The following NEGR1 variants were observed in gnomAD, a reference collection of about 807,000 sequenced individuals.
The protein encoded by NEGR1 is neuronal growth regulator 1, also known as IgLON family member 4.
NEGR1 carries 10 observed loss-of-function variants against 40.9 expected under a neutral mutation model. The observed-to-expected ratio is 0.24, with a 90% CI of 0.15 to 0.42. The LOEUF is 0.42. Ranked by LOEUF, NEGR1 falls within the 10% of genes least tolerant of loss-of-function variation. The pLI, the probability that NEGR1 is intolerant of heterozygous loss-of-function variation, is 1.00. For synonymous variants in NEGR1, 185 were observed against 166.8 expected (o/e 1.11, Z -0.84); for missense variants, 352 against 438.9 (o/e 0.80, Z 1.77).
intron 1 of NEGR1, among the ~76,000 whole-genome samples, chr1:71,964,815 T>G (rs1462806037): frequency 8.3e-6 from 1 of 120,264 alleles, no homozygotes; most frequent in Non-Finnish European, 1.7e-5. Flanking sequence ...TATTTATATA[T>G]AATCACATTA....
At chr1:71,927,211 G>A (rs1645782655) in intron 2 of NEGR1, among the ~76,000 whole-genome samples, 1 of 152,142 alleles carries the variant, frequency 6.6e-6, no homozygotes, top group Non-Finnish European at 1.5e-5. Context: ...ATTCTAGCCA[G>A]AAGGGATTGT....
chr1:71,760,307 A>G (rs1421202836), intron 3 of NEGR1, among the ~76,000 whole-genome samples: 1 of 152,186 alleles, frequency 6.6e-6, no homozygotes, highest in East Asian at 1.9e-4. Context: ...GTCTTAAAAT[A>G]CTAGAAATTT....
chr1:71,915,502 T>C (rs999616955), intron 2 of NEGR1, among the ~76,000 whole-genome samples: 1 of 152,074 alleles, frequency 6.6e-6, no homozygotes, highest in African/African-American at 2.4e-5. Flanking sequence ...TATATAATAA[T>C]AATAGTGTCA....
chr1:72,051,680 T>C (rs541270416), intron 1 of NEGR1, among the ~76,000 whole-genome samples: 8 of 151,488 alleles, frequency 5.3e-5, no homozygotes, highest in South Asian at 2.1e-4. Flanking sequence ...CCTGTGAGGA[T>C]TGGCAGCATA....
chr1:71,872,962 A>G (rs1258430857), intron 2 of NEGR1, among the ~76,000 whole-genome samples: 1 of 152,030 alleles, frequency 6.6e-6, no homozygotes, highest in African/African-American at 2.4e-5. Context: ...CGGAACCCAC[A>G]CTACCCTTAG....
At chr1:71,911,125 C>A (rs1661411308) in intron 2 of NEGR1, among the ~76,000 whole-genome samples, 1 of 152,080 alleles carries the variant, frequency 6.6e-6, no homozygotes, top group Admixed American at 6.6e-5. Context: ...ACAAGTCTGT[C>A]AAGCATTATA....
intron 1 of NEGR1, among the ~76,000 whole-genome samples, chr1:72,215,300 C>A (rs1653759322): frequency 1.3e-5 from 2 of 152,038 alleles, no homozygotes; most frequent in Non-Finnish European, 2.9e-5. Flanking sequence ...AGGACATAGG[C>A]ACGGGCAAAG....
chr1:71,511,338 T>G (rs1647071875), intron 6 of NEGR1, among the ~76,000 whole-genome samples: 1 of 152,218 alleles, frequency 6.6e-6, no homozygotes, highest in Admixed American at 6.5e-5. Context: ...AAATTGAGTT[T>G]TTAAGACAGT....
intron 2 of NEGR1, among the ~76,000 whole-genome samples, chr1:71,800,039 T>G (rs2101747015): frequency 6.6e-6 from 1 of 152,272 alleles, no homozygotes; most frequent in South Asian, 2.1e-4. Context: ...TGATCGCCAT[T>G]GTAATTGGCA....
At chr1:71,885,623 C>A (rs944251849) in intron 2 of NEGR1, among the ~76,000 whole-genome samples, 1 of 152,062 alleles carries the variant, frequency 6.6e-6, no homozygotes, top group African/African-American at 2.4e-5. Flanking sequence ...ATATAATAAC[C>A]TTGGAAAATG....
intron 1 of NEGR1, among the ~76,000 whole-genome samples, chr1:72,072,391 T>A (rs1647504811): frequency 6.6e-6 from 1 of 152,142 alleles, no homozygotes; most frequent in Non-Finnish European, 1.5e-5. Context: ...ATTTTTCTCA[T>A]GCCGGGGGAC....
At chr1:71,801,436 T>C (rs1251903241) in intron 2 of NEGR1, among the ~76,000 whole-genome samples, 5 of 152,230 alleles carry the variant, frequency 3.3e-5, no homozygotes, top group Non-Finnish European at 7.3e-5. Context: ...TGTACAATTC[T>C]CTGTTCAGTA....
chr1:71,573,817 T>C (rs1648877798), intron 6 of NEGR1, among the ~76,000 whole-genome samples: 1 of 152,140 alleles, frequency 6.6e-6, no homozygotes, highest in Non-Finnish European at 1.5e-5. Context: ...AGAATCTAGA[T>C]TATGGTGACC....
chr1:72,251,653 A>G (rs1355442283), intron 1 of NEGR1, among the ~76,000 whole-genome samples: 1 of 152,170 alleles, frequency 6.6e-6, no homozygotes, highest in Non-Finnish European at 1.5e-5. Context: ...TTGTTTAGGG[A>G]ATAATGGCAA....
intron 6 of NEGR1, among the ~76,000 whole-genome samples, chr1:71,552,014 C>G (rs1461184950): frequency 6.6e-6 from 1 of 151,450 alleles, no homozygotes; most frequent in African/African-American, 2.4e-5. Flanking sequence ...TAACTAGAGT[C>G]AGGCTTCTCC....
At chr1:71,832,369 G>T (rs1166790206) in intron 2 of NEGR1, among the ~76,000 whole-genome samples, 1 of 151,950 alleles carries the variant, frequency 6.6e-6, no homozygotes, top group East Asian at 1.9e-4. Context: ...GTTGTCTCTA[G>T]ATTTTTCTTG....
At chr1:71,496,557 T>C (rs1260470806) in intron 6 of NEGR1, among the ~76,000 whole-genome samples, 1 of 151,498 alleles carries the variant, frequency 6.6e-6, no homozygotes, top group Non-Finnish European at 1.5e-5. Context: ...CCAGGATTCA[T>C]ATTTCCTTGG....
At chr1:71,703,371 C>A (rs1412729531) in intron 3 of NEGR1, 1 of 151,230 alleles carries the variant, frequency 6.6e-6, no homozygotes, top group African/African-American at 2.4e-5. Context: ...AAAACAAAAT[C>A]TAAACACTTA....
chr1:71,540,046 G>A (rs924457337), intron 6 of NEGR1, among the ~76,000 whole-genome samples: 1 of 151,718 alleles, frequency 6.6e-6, no homozygotes, highest in African/African-American at 2.4e-5. Flanking sequence ...AGTAAATAGA[G>A]CATTAAGTCA....
Sources: gnomAD v4.1 joint callset for allele counts (sites outside exome capture counted in the v4.1 genomes callset) on GRCh38, gnomAD v4.1.1 for gene constraint, MANE v1.5 for transcripts, NCBI Gene and HGNC (gene_info 2026-07-23, HGNC 2026-07-21) for gene names.